Variants in AGMO observed in about 807,000 individuals in gnomAD.
The protein encoded by AGMO is glyceryl-ether monooxygenase.
In AGMO, 75 loss-of-function variants were observed where a neutral mutation model predicts 60.2. The observed-to-expected ratio is 1.25, with a 90% confidence interval of 1.03 to 1.51. AGMO has a LOEUF of 1.51. Ranked by LOEUF, AGMO falls within the 40% of genes most tolerant of loss-of-function variation. The pLI, the probability that AGMO is intolerant of heterozygous loss-of-function variation, is 0.00. For missense variants in AGMO, 763 were observed against 525.5 expected (o/e 1.45, Z -4.42); for synonymous variants, 261 against 177.1 (o/e 1.47, Z -3.76).
At chr7:15,502,359 G>A (rs1783409510) in intron 3 of AGMO, among the ~76,000 whole-genome samples, 1 of 151,792 alleles carries the variant, frequency 6.6e-6, no homozygotes. Flanking sequence ...GAATGCAAGA[G>A]GCAGGAGGCT....
intron 10 of AGMO, among the ~76,000 whole-genome samples, chr7:15,368,477 TTTG>T (rs1783072505): frequency 6.6e-6 from 1 of 152,118 alleles, no homozygotes; most frequent in South Asian, 2.1e-4. Context: ...GAACACAGAA[TTTG>T]TTTTTCAAAC....
At chr7:15,264,120 GC>G (rs2128510621) in intron 12 of AGMO, among the ~76,000 whole-genome samples, 3 of 151,080 alleles carry the variant, frequency 2.0e-5, no homozygotes, top group African/African-American at 7.3e-5. Flanking sequence ...AGAGAAGAAA[GC>G]AAAAAATATT....
At chr7:15,189,736 C>T in the AGMO span, among the ~76,000 whole-genome samples, 1 of 151,720 alleles carries the variant, frequency 6.6e-6, no homozygotes, top group East Asian at 1.9e-4. Context: ...TTGATCTTGT[C>T]TTCTCATGTC....
chr7:15,500,373 T>C (rs1460269800), intron 3 of AGMO, among the ~76,000 whole-genome samples: 2 of 151,860 alleles, frequency 1.3e-5, no homozygotes, highest in African/African-American at 2.4e-5. Context: ...GTAATGGTAT[T>C]AATGTCATTA....
At position 15,204,797 on chromosome 7, in the gene AGMO, T is replaced by C. The variant is rs1781398263; in HGVS notation, c.1264-3438A>G. On this transcript the variant is annotated intron_variant, in intron 12 of 12. Coordinates refer to ENST00000342526, the MANE Select transcript of AGMO (RefSeq NM_001004320.2). ...TGGCTAATCTGTCAGTAATCCATAT[T>C]AAAATTTTAATGGGGACTGGTGTTT... 2.6e-5 allele frequency among the ~76,000 whole-genome samples: 4 copies of C among 152,180 alleles called. 1 individual carries two copies. The South Asian group carries it at 8.3e-4, about 31-fold the overall frequency.
intron 5 of AGMO, among the ~76,000 whole-genome samples, chr7:15,395,830 G>A (rs778185554): frequency 6.6e-6 from 1 of 152,078 alleles, no homozygotes; most frequent in Non-Finnish European, 1.5e-5. Flanking sequence ...TTATCTAGGA[G>A]CGTTTGTTTT....
chr7:15,506,421 C>T (rs1321320164), intron 3 of AGMO, among the ~76,000 whole-genome samples: 2 of 151,936 alleles, frequency 1.3e-5, no homozygotes, highest in Non-Finnish European at 2.9e-5. Flanking sequence ...ACAGCACTTG[C>T]CCTCTATGTG....
At chr7:15,441,226 G>A (rs1345658557) in intron 3 of AGMO, among the ~76,000 whole-genome samples, 1 of 152,164 alleles carries the variant, frequency 6.6e-6, no homozygotes, top group Non-Finnish European at 1.5e-5. Context: ...AACCAGTCCT[G>A]TACATAGGAA....
At position 15,469,993 on chromosome 7, in the gene AGMO, A is replaced by G. The variant is rs186854684; in HGVS notation, c.410-38885T>C. On this transcript the variant is annotated intron_variant, in intron 3 of 12. Coordinates refer to ENST00000342526, the MANE Select transcript of AGMO (RefSeq NM_001004320.2). ...ATTTGGGAATACTTATAGGTAAAAG[A>G]ACCAAACAGCAAAAACCCAATAAAA... Among the ~76,000 whole-genome samples the G allele has an allele frequency of 1.1e-3, 160 of 152,190 alleles. 4 individuals carry two copies. In the East Asian group the frequency reaches 0.015, roughly 15 times the overall value.
At chr7:15,392,077 AT>A (rs537581549) in intron 6 of AGMO, among the ~76,000 whole-genome samples, 1,584 of 149,834 alleles carry the variant, frequency 0.011, 30 homozygotes, top group African/African-American at 0.037. Flanking sequence ...TTTTAATTTA[AT>A]TTTTTTTTTG....
At chr7:15,279,346 A>G (rs1783896258) in intron 12 of AGMO, among the ~76,000 whole-genome samples, 1 of 152,130 alleles carries the variant, frequency 6.6e-6, no homozygotes, top group Non-Finnish European at 1.5e-5. Context: ...GAATTCCAGC[A>G]TGCTCTCTTA....
At chr7:15,249,677 T>A (rs950087259) in intron 12 of AGMO, among the ~76,000 whole-genome samples, 1 of 152,058 alleles carries the variant, frequency 6.6e-6, no homozygotes, top group Admixed American at 6.6e-5. Context: ...GAAACAGAGT[T>A]ACAAGGATGT....
chr7:15,125,026 G>C, the AGMO span, among the ~76,000 whole-genome samples: 1 of 151,800 alleles, frequency 6.6e-6, no homozygotes, highest in South Asian at 2.1e-4. Context: ...AAAAGGGAAG[G>C]TTAAAACAGT....
intron 12 of AGMO, among the ~76,000 whole-genome samples, chr7:15,267,166 A>G (rs1003542816): frequency 7.2e-5 from 11 of 152,112 alleles, no homozygotes; most frequent in South Asian, 2.1e-4. Flanking sequence ...AACATTTGCA[A>G]AAAATTGGCA....
chr7:15,348,612 T>A (rs1031843845), intron 12 of AGMO, among the ~76,000 whole-genome samples: 1 of 152,130 alleles, frequency 6.6e-6, no homozygotes, highest in African/African-American at 2.4e-5. Context: ...TTCTGCTTTG[T>A]AACACTCGTG....
intron 5 of AGMO, among the ~76,000 whole-genome samples, chr7:15,407,504 G>T (rs1440035103): frequency 6.6e-6 from 1 of 151,440 alleles, no homozygotes; most frequent in African/African-American, 2.4e-5. Flanking sequence ...AAGAGTAGAT[G>T]ACTTAAGGTG....
intron 12 of AGMO, among the ~76,000 whole-genome samples, chr7:15,357,891 T>C (rs1346460486): frequency 1.3e-5 from 2 of 152,080 alleles, no homozygotes; most frequent in African/African-American, 2.4e-5. Context: ...GGCTTGGTCA[T>C]GCAAAAACAG....
chr7:15,204,180 T>C (rs1369487857), intron 12 of AGMO, among the ~76,000 whole-genome samples: 1 of 152,136 alleles, frequency 6.6e-6, no homozygotes, highest in African/African-American at 2.4e-5. Flanking sequence ...ATACAATGTA[T>C]AGATTCAAAT....
At chr7:15,340,288 T>C (rs1312472799) in intron 12 of AGMO, among the ~76,000 whole-genome samples, 2 of 152,194 alleles carry the variant, frequency 1.3e-5, no homozygotes, top group Admixed American at 1.3e-4. Context: ...TGTGGAATTT[T>C]CTAGTTGTGG....
Sources: allele counts gnomAD v4.1 joint callset (sites outside exome capture counted in the v4.1 genomes callset), GRCh38; gene constraint gnomAD v4.1.1; transcripts MANE v1.5; gene names NCBI Gene and HGNC (gene_info 2026-07-23, HGNC 2026-07-21).